The following MCM4 variants were observed in gnomAD, a reference collection of about 807,000 sequenced individuals.
MCM4 encodes the protein minichromosome maintenance complex component 4, also known as DNA replication licensing factor MCM4.
MCM4 carries 60 observed loss-of-function variants against 88.7 expected under a neutral mutation model. The observed-to-expected ratio is 0.68, with a 90% CI of 0.55 to 0.84. MCM4 has a LOEUF of 0.84. MCM4 is among the 40% of genes least tolerant of loss of function. The pLI, the probability that MCM4 is intolerant of heterozygous loss-of-function variation, is 0.00. For synonymous variants in MCM4, 465 were observed against 410.5 expected (o/e 1.13, Z -1.61); for missense variants, 1,149 against 1,105.5 (o/e 1.04, Z -0.56).
In MCM4 at chr8:47,971,478, C is replaced by G; in HGVS notation, c.1928+10C>G. 2 of 1,613,594 alleles carry G rather than the reference C, an allele frequency of 1.2e-6. No homozygotes were observed. The highest frequency in any genetic ancestry group is 1.7e-6 in the Non-Finnish European group (2 of 1,179,586). ...ATACTTTATTATCAAGGTATTAAAA[C>G]AGATTTTTATTTTGTTCATTTGTAG... is the stretch of plus-strand genomic sequence containing the variant. On this transcript the variant is annotated intron_variant, in intron 13 of 16. Transcript: ENST00000649973.
At chr8:47,966,642 CTG>C (rs1237353817) in intron 9 of MCM4, among the ~76,000 whole-genome samples, 3 of 152,232 alleles carry the variant, frequency 2.0e-5, no homozygotes, top group Non-Finnish European at 4.4e-5. Context: ...GTTAGAGACA[CTG>C]TATTTTCATG....
In MCM4 at chr8:47,964,636, A is replaced by G. The variant is rs1436085617; in HGVS notation, c.756A>G (p.Ser252=). Residue 252 remains serine, a synonymous_variant, in exon 8 of 17, where the codon TCA becomes TCG. Coordinates refer to ENST00000649973, the MANE Select transcript of MCM4 (RefSeq NM_182746.3). ...TCTTCTTTGACCGTTACCCTGACTC[A>G]ATCTTAGAACATCAGATTCAAGTAA... ...NEIFFDRYPD[S]ILEHQIQVRP... 4 of 1,607,824 alleles carry G rather than the reference A, an allele frequency of 2.5e-6. No homozygotes were observed. Among genetic ancestry groups the G allele is most frequent in the Non-Finnish European group, 3.4e-6 (4 of 1,178,574 alleles).
Position 47,963,070 on chromosome 8 carries a change from T to G in MCM4, c.693+30T>G, listed in dbSNP as rs60029718. ...GAATTTAGCTTTGACCTTGATGAAT[T>G]TTAGTAACAGTCTAGAAAGAATGTT... On this transcript the variant is annotated intron_variant, in intron 7 of 16. Transcript: ENST00000649973. The G allele has an allele frequency of 3.9e-4, 477 of 1,234,898 alleles. 4 individuals carry two copies. In the African/African-American group the frequency reaches 6.7e-3, roughly 17 times the overall value. The allele number at this position is 1,234,898 out of a possible 1,614,324, so 76.5% of individuals were successfully genotyped here.
Position 47,970,661 on chromosome 8 carries a change from A to T in MCM4, c.1585A>T (p.Arg529Trp). 1 of 1,614,166 alleles carries T rather than the reference A, an allele frequency of 6.2e-7. No individual in the cohort carries two copies. The highest frequency in any genetic ancestry group is 8.5e-7 in the Non-Finnish European group (1 of 1,180,036). ...LLQYVYNLVP[R>W]GQYTSGKGSS... The stretch of plus-strand genomic sequence containing the variant: ...GCAGTACGTGTACAACCTCGTCCCC[A>T]GGGGCCAGTACACGTCTGGGAAGGG... The change falls in exon 12 of 17, where the codon AGG becomes TGG. Residue 529 changes from arginine to tryptophan, a missense_variant. By Grantham distance (101) the Arg-to-Trp change is moderately radical (BLOSUM62 -3). Coordinates refer to ENST00000649973, the MANE Select transcript of MCM4 (RefSeq NM_182746.3).
intron 16 of MCM4, among the ~76,000 whole-genome samples, chr8:47,976,414 CTA>C (rs1295970603): frequency 6.6e-6 from 1 of 152,022 alleles, no homozygotes; most frequent in East Asian, 1.9e-4. Context: ...GTGAAAAGAA[CTA>C]TGCAGTCTTT....
Position 47,972,012 on chromosome 8 carries a change from G to A in MCM4, c.1928+544G>A, listed in dbSNP as rs376605355. ...TTTGGGAGGCTGAGGTGGGTGGATC[G>A]CCTGAGCTCAGGAGTTTGAGGCCAC... On this transcript the variant is annotated intron_variant, in intron 13 of 16. Coordinates refer to ENST00000649973, the MANE Select transcript of MCM4 (RefSeq NM_182746.3). Among the ~76,000 whole-genome samples the A allele has an allele frequency of 9.2e-5, 14 of 151,794 alleles. No individual in the cohort carries two copies. In the South Asian group the frequency reaches 2.1e-3, roughly 23 times the overall value.
In MCM4 at chr8:47,972,886, C is replaced by T; in HGVS notation, c.1958C>T (p.Pro653Leu). Reference protein sequence around the residue: ...RFDLIFLLLDPQDEAYDRRLA... With the variant: ...RFDLIFLLLDLQDEAYDRRLA... ...GATTTGATCTTCCTCTTGCTGGACCCTCAGGACGAAGCCTATGACAGGCGT... is the reference window on the plus strand; with the variant it reads ...GATTTGATCTTCCTCTTGCTGGACCTTCAGGACGAAGCCTATGACAGGCGT... Residue 653 changes from proline to leucine, a missense_variant, in exon 14 of 17, where the codon CCT becomes CTT. Pro to Leu is a moderately conservative substitution (Grantham distance 98, BLOSUM62 -3). This residue lies in a region of MCM4 where 906 missense variants were observed against 843.0 expected (regional missense o/e 1.07). Coordinates refer to ENST00000649973, the MANE Select transcript of MCM4 (RefSeq NM_182746.3). 1.9e-6 allele frequency: 3 copies of T among 1,614,136 alleles called. 1 individual carries two copies. In the South Asian group the frequency reaches 3.3e-5, roughly 18 times the overall value.
chr8:47,976,751 G>T lies in MCM4; in HGVS notation c.2565G>T (p.Val855=). The change falls in exon 17 of 17, where the codon GTG becomes GTT. Residue 855 remains valine (V), a synonymous_variant. Coordinates refer to ENST00000649973, the MANE Select transcript of MCM4 (RefSeq NM_182746.3). The stretch of plus-strand genomic sequence containing the variant: ...TGGCAGATGATGATTTCCTGACAGT[G>T]ACTGGGAAGACCGTGCGCTTGCTCT... ...RALADDDFLT[V]TGKTVRLL 6.2e-7 allele frequency: 1 copy of T among 1,613,314 alleles called. No individual in the cohort carries two copies. Among genetic ancestry groups the T allele is most frequent in the South Asian group, 1.1e-5 (1 of 90,988 alleles).
Position 47,961,538 on chromosome 8 carries a change from ATCTC to A in MCM4, c.94_97del (p.Ser32ProfsTer58). 4 of 1,614,110 alleles carry A rather than the reference ATCTC, an allele frequency of 2.5e-6. No individual in the cohort carries two copies. The highest frequency in any genetic ancestry group is 3.4e-6 in the Non-Finnish European group (4 of 1,180,034). On this transcript the variant is annotated frameshift_variant, in exon 3 of 17. Coordinates refer to ENST00000649973, the MANE Select transcript of MCM4 (RefSeq NM_182746.3). LOFTEE classifies it high-confidence loss of function. ...AAGCTCGGAGTGAGGATGCCAGGTC[ATCTC>A]CCTCTCAGAGACGTAGAGGCGAGGA... is the stretch of plus-strand genomic sequence containing the variant.
rs2090815136 is a variant in MCM4, at chr8:47,960,982, C to T, written c.-47C>T. ...ACTCGCCAGGTGGACTCGGAGTCCG[C>T]GAGCGTCGTCGGCAAGCGGCCGCCT... On this transcript the variant is annotated 5_prime_UTR_variant, in exon 1 of 17. Transcript: ENST00000649973. 3 of 674,920 alleles carry T rather than the reference C, an allele frequency of 4.4e-6. No individual in the cohort carries two copies. Among genetic ancestry groups the T allele is most frequent in the African/African-American group, 1.9e-5 (1 of 52,220 alleles). The allele number at this position is 674,920 out of a possible 1,614,324, so 41.8% of individuals were successfully genotyped here. A position where few individuals can be genotyped will look rare whatever the true frequency, so the allele number is the denominator to read the frequency against.
intron 5 of MCM4, 104 bp downstream of exon 5, chr8:47,962,510 G>C: frequency 1.7e-6 from 2 of 1,161,838 alleles, no homozygotes; most frequent in Non-Finnish European, 2.5e-6. Context: ...AGGGCCACCT[G>C]TGGTGGCTCA....
At position 47,962,137 on chromosome 8, in the gene MCM4, T is replaced by G. The variant is rs2090848302; in HGVS notation, c.320T>G (p.Val107Gly). 6.2e-7 allele frequency: 1 copy of G among 1,613,976 alleles called. No homozygotes were observed. The highest frequency in any genetic ancestry group is 1.3e-5 in the African/African-American group (1 of 74,900). ...GTAGAGGGAACCCCAAGAAGTGGTGTTAGGGGCACACCTGTGAGACAGAGG... is the reference window on the plus strand; with the variant it reads ...GTAGAGGGAACCCCAAGAAGTGGTGGTAGGGGCACACCTGTGAGACAGAGG... ...SRVEGTPRSG[V>G]RGTPVRQRPD... is the part of the protein sequence containing the mutation. The change falls in exon 4 of 17, where the codon GTT (valine) becomes GGT (glycine). Residue 107 changes from valine to glycine, a missense_variant. By Grantham distance (109) the Val-to-Gly change is moderately radical (BLOSUM62 -3). Transcript: ENST00000649973.
At position 47,973,058 on chromosome 8, in the gene MCM4, C is replaced by T. The variant is rs753284435; in HGVS notation, c.2130C>T (p.Leu710=). The T allele has an allele frequency of 2.5e-6, 4 of 1,613,030 alleles. No individual in the cohort carries two copies. The highest frequency in any genetic ancestry group is 3.4e-6 in the Non-Finnish European group (4 of 1,179,862). Residue 710 remains leucine (L), a synonymous_variant, in exon 14 of 17, where the codon CTC becomes CTT. Coordinates refer to ENST00000649973, the MANE Select transcript of MCM4 (RefSeq NM_182746.3). ...PRLSEEASQA[L]IEAYVDMRKI... ...TAAGTGAGGAAGCCAGCCAGGCTCT[C>T]ATCGAGGTAACCCTGCTGAAAAAAG...
chr8:47,971,671 C>T (rs150840532), intron 13 of MCM4, among the ~76,000 whole-genome samples: 1 of 152,102 alleles, frequency 6.6e-6, no homozygotes, highest in South Asian at 2.1e-4. Context: ...TTACCTCCCA[C>T]GCCGTTTACA....
intron 9 of MCM4, 65 bp from the exon 10 acceptor site, chr8:47,967,300 C>T: frequency 6.3e-7 from 1 of 1,594,490 alleles, no homozygotes. Flanking sequence ...AGTACAAAGA[C>T]ATGCAGATTT....
chr8:47,975,970 T>C, intron 16 of MCM4, 122 bp downstream of exon 16: 1 of 774,886 alleles, frequency 1.3e-6, no homozygotes, highest in Non-Finnish European at 1.8e-6. Context: ...AAAAGGAAGA[T>C]GAACCATAAG....
At chr8:47,969,452 T>G (rs900439684) in intron 10 of MCM4, 2 of 234,350 alleles carry the variant, frequency 8.5e-6, no homozygotes, top group Non-Finnish European at 8.5e-6. Context: ...AGAGACAGGG[T>G]TCTCCTTGTT....
chr8:47,962,365 G>C lies in MCM4; in HGVS notation c.460G>C (p.Gly154Arg). ...QSLGQKLVIW[G>R]TDVNVAACKE... ...TCTAGGCCAAAAACTTGTGATCTGGGGAACAGATGTAAATGTGGCAGCATG... is the reference window on the plus strand; with the variant it reads ...TCTAGGCCAAAAACTTGTGATCTGGCGAACAGATGTAAATGTGGCAGCATG... Residue 154 changes from glycine (G) to arginine (R), a missense_variant, in exon 5 of 17, where the codon GGA becomes CGA. Physicochemically the swap from Gly to Arg is moderately radical, Grantham distance 125. Around this residue, in one of 3 missense-constraint regions of MCM4, gnomAD observed 906 missense variants for 843.0 expected, o/e 1.07. Coordinates refer to ENST00000649973, the MANE Select transcript of MCM4 (RefSeq NM_182746.3). 13 of 1,614,222 alleles carry C rather than the reference G, an allele frequency of 8.1e-6. No homozygotes were observed. The highest frequency in any genetic ancestry group is 1.1e-5 in the Non-Finnish European group (13 of 1,180,040).
At chr8:47,969,733 G>A (rs765406310) in intron 10 of MCM4, 65 bp from the exon 11 acceptor site, 2 of 1,569,330 alleles carry the variant, frequency 1.3e-6, no homozygotes, top group Non-Finnish European at 1.7e-6. Context: ...TGCCTACGCT[G>A]GTTGCTGAGC....
Sources: allele counts gnomAD v4.1 joint callset (sites outside exome capture counted in the v4.1 genomes callset), GRCh38; gene constraint gnomAD v4.1.1; regional missense constraint gnomAD v4.1.1; transcripts MANE v1.5; gene names NCBI Gene and HGNC (gene_info 2026-07-23, HGNC 2026-07-21).